Variants in SPATA6 observed in about 807,000 individuals in gnomAD.
SPATA6 encodes spermatogenesis associated 6.
A neutral mutation model predicts 65.3 loss-of-function variants in SPATA6; 56 were observed. That is an observed-to-expected ratio of 0.86 (90% CI 0.69 to 1.07). SPATA6 has a LOEUF of 1.07. Among genes scored for constraint, SPATA6 ranks in the 50% least tolerant of loss-of-function variants. The probability of loss-of-function intolerance (pLI) is 0.00; values close to 1 mark genes in which losing one functional copy is unlikely to be tolerated. For synonymous variants in SPATA6, 199 were observed against 213.2 expected, an observed-to-expected ratio of 0.93 and a Z score of 0.58; for missense variants, 590 against 594.8, an observed-to-expected ratio of 0.99 and a Z score of 0.08.
intron 11 of SPATA6, among the ~76,000 whole-genome samples, chr1:48,328,635 G>A (rs1226591124): frequency 6.6e-6 from 1 of 152,012 alleles, no homozygotes; most frequent in East Asian, 1.9e-4. Flanking sequence ...CACTCCCAAT[G>A]GTTACAAAAT....
intron 9 of SPATA6, among the ~76,000 whole-genome samples, chr1:48,369,038 T>C (rs1024183572): frequency 2.6e-5 from 4 of 152,348 alleles, no homozygotes; most frequent in East Asian, 1.9e-4. Context: ...TGCAGGTCTG[T>C]TGGAGTTTGC....
At chr1:48,273,067 G>T in the SPATA6 span, among the ~76,000 whole-genome samples, 1 of 152,074 alleles carries the variant, frequency 6.6e-6, no homozygotes, top group Non-Finnish European at 1.5e-5. Flanking sequence ...TCCGAATATT[G>T]TCTTTACATT....
chr1:48,291,188 G>T (rs1028779457), downstream of SPATA6, among the ~76,000 whole-genome samples: 3 of 152,222 alleles, frequency 2.0e-5, no homozygotes, highest in African/African-American at 7.2e-5. Context: ...TTTTTGTTAA[G>T]TTCACTGGTT....
chr1:48,347,421 T>TTA (rs1646395028), intron 11 of SPATA6, among the ~76,000 whole-genome samples: 1 of 147,800 alleles, frequency 6.8e-6, no homozygotes, highest in Admixed American at 6.8e-5. Context: ...ATATAATGCA[T>TTA]TATATATACA....
chr1:48,287,376 A>G, the SPATA6 span, among the ~76,000 whole-genome samples: 1 of 152,168 alleles, frequency 6.6e-6, no homozygotes, highest in Admixed American at 6.5e-5. Context: ...TCAATATGAG[A>G]TTTGTGGGAG....
At chr1:48,266,898 G>C in the SPATA6 span, among the ~76,000 whole-genome samples, 5 of 152,098 alleles carry the variant, frequency 3.3e-5, no homozygotes, top group African/African-American at 1.2e-4. Flanking sequence ...AATTAGGATA[G>C]CATATTTTTT....
At chr1:48,378,948 A>G (rs1030918210) in intron 9 of SPATA6, among the ~76,000 whole-genome samples, 4 of 152,244 alleles carry the variant, frequency 2.6e-5, no homozygotes, top group Non-Finnish European at 4.4e-5. Context: ...TTATTATACA[A>G]CAACATAAAC....
chr1:48,365,221 GT>G lies in SPATA6; in HGVS notation c.910-5452del, dbSNP rs1378248576. 3.3e-5 allele frequency among the ~76,000 whole-genome samples: 5 copies of G among 152,292 alleles called. No homozygotes were observed. The East Asian group carries it at 7.7e-4, about 23-fold the overall frequency. ...CTGTAGCCTTGTAGTATAGTTTGAA[GT>G]CAGGTAGCGTGGTGCCTCCGGGTTT... On this transcript the variant is annotated intron_variant, in intron 9 of 12. Coordinates refer to ENST00000371847, the MANE Select transcript of SPATA6 (RefSeq NM_019073.4).
intron 11 of SPATA6, among the ~76,000 whole-genome samples, chr1:48,347,384 TC>T (rs930388798): frequency 1.7e-4 from 26 of 150,034 alleles, no homozygotes; most frequent in African/African-American, 5.1e-4. Context: ...GCAATACCAT[TC>T]ACTACATAGG....
In SPATA6 at chr1:48,417,556, C is replaced by T. The variant is rs191999986; in HGVS notation, c.239-4405G>A. 3.4e-3 allele frequency among the ~76,000 whole-genome samples: 520 copies of T among 152,220 alleles called. 6 individuals are homozygous for T. The highest frequency in any genetic ancestry group is 0.029 in the South Asian group (140 of 4,822). On this transcript the variant is annotated intron_variant, in intron 3 of 12. Coordinates refer to ENST00000371847, the MANE Select transcript of SPATA6 (RefSeq NM_019073.4). ...GGAGGCCGGATGAGGTGGCTCATAC[C>T]TGTAATCCCAGCACTTTGGGAGGCT...
intron 9 of SPATA6, among the ~76,000 whole-genome samples, chr1:48,370,021 A>C (rs1348277405): frequency 6.6e-6 from 1 of 152,246 alleles, no homozygotes; most frequent in Non-Finnish European, 1.5e-5. Context: ...CGTATGAAAT[A>C]AGATTCCTGA....
chr1:48,349,360 G>C (rs1646455189), intron 11 of SPATA6, among the ~76,000 whole-genome samples: 1 of 151,908 alleles, frequency 6.6e-6, no homozygotes, highest in South Asian at 2.1e-4. Context: ...AGTTCTTTTT[G>C]TCTTAGCCTT....
In SPATA6 at chr1:48,367,056, C is replaced by G. The variant is rs538225900; in HGVS notation, c.910-7286G>C. 8.5e-5 allele frequency among the ~76,000 whole-genome samples: 13 copies of G among 152,244 alleles called. No individual in the cohort carries two copies. In the East Asian group the frequency reaches 2.1e-3, roughly 25 times the overall value. ...TTCTGCCTTCATTTCATTATGTACT[C>G]AGTAGTCATTCAGGAGCAGGTTGTT... is the stretch of plus-strand genomic sequence containing the variant. On this transcript the variant is annotated intron_variant, in intron 9 of 12. Coordinates refer to ENST00000371847, the MANE Select transcript of SPATA6 (RefSeq NM_019073.4).
At chr1:48,266,048 C>T in the SPATA6 span, among the ~76,000 whole-genome samples, 3 of 152,266 alleles carry the variant, frequency 2.0e-5, no homozygotes, top group Admixed American at 2.0e-4. Flanking sequence ...GAGCTGCTAA[C>T]AAATTACAAG....
At chr1:48,436,978 T>C in intron 3 of SPATA6, 1 of 1,611,590 alleles carries the variant, frequency 6.2e-7, no homozygotes. Context: ...CTCAAAAACT[T>C]TCTCTCCTGC....
chr1:48,425,405 T>C (rs1448804045), intron 3 of SPATA6, among the ~76,000 whole-genome samples: 1 of 152,090 alleles, frequency 6.6e-6, no homozygotes, highest in Non-Finnish European at 1.5e-5. Flanking sequence ...TTTCAGTGAG[T>C]GGTGGTTATA....
downstream of SPATA6, among the ~76,000 whole-genome samples, chr1:48,291,179 T>G (rs1644764799): frequency 6.6e-6 from 1 of 152,198 alleles, no homozygotes; most frequent in South Asian, 2.1e-4. Context: ...TCGATTTAAT[T>G]TTTGTTAAGT....
chr1:48,286,269 TACAG>T, the SPATA6 span, among the ~76,000 whole-genome samples: 1 of 152,148 alleles, frequency 6.6e-6, no homozygotes, highest in African/African-American at 2.4e-5. Context: ...CTTTGGGTAG[TACAG>T]ACATTTTAAA....
In SPATA6 at chr1:48,472,012, T is replaced by TGCGGGGAGGGGCG. The variant is rs1658303082; in HGVS notation, c.-17_-5dup. 1 of 1,499,780 alleles carries TGCGGGGAGGGGCG rather than the reference T, an allele frequency of 6.7e-7. No individual in the cohort carries two copies. Among genetic ancestry groups the TGCGGGGAGGGGCG allele is most frequent in the African/African-American group, 1.5e-5 (1 of 68,762 alleles). The allele number at this position is 1,499,780 out of a possible 1,614,324, so 92.9% of individuals were successfully genotyped here. A position where few individuals can be genotyped will look rare whatever the true frequency, so the allele number is the denominator to read the frequency against. On this transcript the variant is annotated 5_prime_UTR_variant, in exon 1 of 13. Transcript: ENST00000371847. ...GCAGCGCCTTCACCTTCGGCATCCGTGCGGGGAGGGGCGGCGGGGAGTGAC... is the reference window on the plus strand; with the variant it reads ...GCAGCGCCTTCACCTTCGGCATCCGTGCGGGGAGGGGCGGCGGGGAGGGGCGGCGGGGAGTGAC...
Sources: allele counts gnomAD v4.1 joint callset (sites outside exome capture counted in the v4.1 genomes callset), GRCh38; gene constraint gnomAD v4.1.1; transcripts MANE v1.5; gene names NCBI Gene and HGNC (gene_info 2026-07-23, HGNC 2026-07-21).